The following LPAR5 variants were observed in gnomAD, a reference collection of about 807,000 sequenced individuals.
LPAR5 encodes G protein-coupled receptor 92.
For missense variants in LPAR5, 544 were observed against 521.8 expected (o/e 1.04, Z -0.41); for synonymous variants, 271 against 261.6 (o/e 1.04, Z -0.35).
In LPAR5 at chr12:6,619,224, G is replaced by A. The variant is rs917655867; in HGVS notation, c.*906C>T. The A allele has an allele frequency of 2.6e-5, 4 of 152,094 alleles. No homozygotes were observed. The allele number at this position is 152,094 out of a possible 1,614,324, so 9.4% of individuals were successfully genotyped here. A position where few individuals can be genotyped will look rare whatever the true frequency, so the allele number is the denominator to read the frequency against. Reference sequence around the variant, plus strand: ...ATCAAAAGAACAAAATATAAGCAAAGCTCTTTGAGATCCTCAATTTCTAAG... The same window carrying A: ...ATCAAAAGAACAAAATATAAGCAAAACTCTTTGAGATCCTCAATTTCTAAG... On this transcript the variant is annotated 3_prime_UTR_variant, in exon 2 of 2. Transcript: ENST00000329858.
At chr12:6,626,619 C>G (rs561893116) in intron 1 of LPAR5, among the ~76,000 whole-genome samples, 3 of 152,198 alleles carry the variant, frequency 2.0e-5, no homozygotes, top group African/African-American at 7.2e-5. Context: ...GATACACTCC[C>G]CTGCTCCATG....
In LPAR5 at chr12:6,620,787, C is replaced by A; in HGVS notation, c.462G>T (p.Val154=). 6.3e-7 allele frequency: 1 copy of A among 1,580,554 alleles called. No individual in the cohort carries two copies. The highest frequency in any genetic ancestry group is 2.3e-5 in the East Asian group (1 of 43,782). ...GVWALILVFA[V]PAARVHRPSR... ...AGGGCCTGTGCACGCGGGCGGCGGG[C>A]ACGGCAAACACCAGGATGAGCGCCC... Residue 154 remains valine, a synonymous_variant, in exon 2 of 2, where the codon GTG becomes GTT. Transcript: ENST00000329858. The surrounding 1 kb of genome is among the most constrained non-coding windows in gnomAD (Gnocchi z 6.8).
chr12:6,621,055 GC>G lies in LPAR5; in HGVS notation c.193del (p.Ala65ArgfsTer39). The G allele has an allele frequency of 6.2e-7, 1 of 1,605,416 alleles. No homozygotes were observed. Among genetic ancestry groups the G allele is most frequent in the Non-Finnish European group, 8.5e-7 (1 of 1,174,834 alleles). On this transcript the variant is annotated frameshift_variant, in exon 2 of 2. Coordinates refer to ENST00000329858, the MANE Select transcript of LPAR5 (RefSeq NM_020400.6). LOFTEE classifies it low-confidence loss of function (END_TRUNC). ...GAGGGTGAAGAGCAGGTCGCTGGCCGCCAGGTTACACATGTACACGCTCACC... is the reference window on the plus strand; with the variant it reads ...GAGGGTGAAGAGCAGGTCGCTGGCCGCAGGTTACACATGTACACGCTCACC... Reference protein sequence around the residue: ...SVVSVYMCNLAASDLLFTLSL... With the variant: ...SVVSVYMCNLXASDLLFTLSL...
At chr12:6,624,240 T>A (rs1283315378) in intron 1 of LPAR5, among the ~76,000 whole-genome samples, 1 of 152,174 alleles carries the variant, frequency 6.6e-6, no homozygotes, top group Non-Finnish European at 1.5e-5. Flanking sequence ...GGTTGAGTTT[T>A]GCCAAGTGCT....
intron 1 of LPAR5, among the ~76,000 whole-genome samples, chr12:6,625,083 C>T (rs564807074): frequency 6.6e-6 from 1 of 152,216 alleles, no homozygotes; most frequent in African/African-American, 2.4e-5. Context: ...GAGAAGTTGT[C>T]TGAGACCCTG....
In LPAR5 at chr12:6,620,765, GC is replaced by G. The variant is rs1192366290; in HGVS notation, c.483del (p.Arg161SerfsTer119). On this transcript the variant is annotated frameshift_variant, in exon 2 of 2. Transcript: ENST00000329858. LOFTEE classifies it low-confidence loss of function (END_TRUNC). This position sits in a 1 kb window ranked among gnomAD's most constrained non-coding sequence, Gnocchi z 6.8. ...AGGTCCCGGTAGCGGCAACGCGAGGGCCTGTGCACGCGGGCGGCGGGCACGG... is the reference window on the plus strand; with the variant it reads ...AGGTCCCGGTAGCGGCAACGCGAGGGCTGTGCACGCGGGCGGCGGGCACGG... ...VFAVPAARVHRPSRCRYRDLE... is the reference protein window; with the variant it reads ...VFAVPAARVHXPSRCRYRDLE... 6.3e-7 allele frequency: 1 copy of G among 1,590,148 alleles called. No homozygotes were observed. Among genetic ancestry groups the G allele is most frequent in the African/African-American group, 1.3e-5 (1 of 74,538 alleles).
At chr12:6,633,768 A>G (rs921427711) in intron 1 of LPAR5, among the ~76,000 whole-genome samples, 1 of 152,114 alleles carries the variant, frequency 6.6e-6, no homozygotes, top group Non-Finnish European at 1.5e-5. Context: ...GTCAGTAGGT[A>G]TGTCCTGGGG....
chr12:6,632,669 G>T (rs1184166988), intron 1 of LPAR5, among the ~76,000 whole-genome samples: 1 of 152,156 alleles, frequency 6.6e-6, no homozygotes, highest in Non-Finnish European at 1.5e-5. Context: ...TTTGTGAAAA[G>T]CTCTGTCCCA....
chr12:6,632,429 A>G (rs1948985606), intron 1 of LPAR5, among the ~76,000 whole-genome samples: 1 of 152,162 alleles, frequency 6.6e-6, no homozygotes, highest in Non-Finnish European at 1.5e-5. Context: ...GTGGCCCATC[A>G]GTGTCTCAGC....
At chr12:6,628,122 C>T (rs982855972) in intron 1 of LPAR5, among the ~76,000 whole-genome samples, 8 of 146,418 alleles carry the variant, frequency 5.5e-5, no homozygotes, top group Non-Finnish European at 1.2e-4. Flanking sequence ...CCCGGGTTCA[C>T]GCCATTCTCC....
chr12:6,620,287 G>C lies in LPAR5; in HGVS notation c.962C>G (p.Ala321Gly). 1.2e-6 allele frequency: 2 copies of C among 1,606,074 alleles called. No individual in the cohort carries two copies. Among genetic ancestry groups the C allele is most frequent in the Non-Finnish European group, 1.7e-6 (2 of 1,176,326 alleles). Residue 321 changes from alanine to glycine, a missense_variant, in exon 2 of 2, where the codon GCC (alanine) becomes GGC (glycine). Transcript: ENST00000329858. This position sits in a 1 kb window ranked among gnomAD's most constrained non-coding sequence, Gnocchi z 6.8. ...LGTPHRARTS[A>G]TNGTRAALAQ... ...GAGCGCCGCCCGCGTCCCGTTGGTG[G>C]CCGAGGTCCTGGCCCGGTGCGGAGT...
intron 1 of LPAR5, among the ~76,000 whole-genome samples, chr12:6,632,161 C>CG (rs902804770): frequency 2.6e-5 from 4 of 152,004 alleles, no homozygotes; most frequent in African/African-American, 7.2e-5. Context: ...TTCGTAGAGA[C>CG]GGGGTTTCAC....
chr12:6,620,998 A>AG lies in LPAR5; in HGVS notation c.250dup (p.Leu84ProfsTer156). 2 of 1,613,516 alleles carry AG rather than the reference A, an allele frequency of 1.2e-6. No individual in the cohort carries two copies. Among genetic ancestry groups the AG allele is most frequent in the Non-Finnish European group, 1.7e-6 (2 of 1,179,778 alleles). ...GAGGTCGGGGAAGGGCCAGTGGTGC[A>AG]GTGCGTAGTAGGAGAGACGAACGGG... On this transcript the variant is annotated frameshift_variant, in exon 2 of 2. Transcript: ENST00000329858. LOFTEE classifies it low-confidence loss of function (END_TRUNC). This position sits in a 1 kb window ranked among gnomAD's most constrained non-coding sequence, Gnocchi z 6.8.
chr12:6,635,884 T>G (rs1029546480), intron 1 of LPAR5, 23 bp downstream of exon 1: 7 of 152,188 alleles, frequency 4.6e-5, no homozygotes, highest in Admixed American at 1.3e-4. Context: ...CCCTGTGCAG[T>G]TCAATTCGTG....
chr12:6,627,170 T>C (rs11064293), intron 1 of LPAR5, among the ~76,000 whole-genome samples: 7,946 of 152,308 alleles, frequency 0.052, 686 homozygotes, highest in African/African-American at 0.18. Flanking sequence ...CATAAACTCA[T>C]CTTTCACACA....
chr12:6,621,893 C>T (rs768948583), intron 1 of LPAR5, among the ~76,000 whole-genome samples: 2 of 151,986 alleles, frequency 1.3e-5, no homozygotes, highest in Non-Finnish European at 2.9e-5. Context: ...TTTGGGAGGC[C>T]GAGGCGGGTG....
intron 1 of LPAR5, among the ~76,000 whole-genome samples, chr12:6,631,059 G>A (rs1475694205): frequency 6.6e-6 from 1 of 152,232 alleles, no homozygotes; most frequent in Non-Finnish European, 1.5e-5. Context: ...AGGTCAGGCT[G>A]TAGGAGAGAT....
At chr12:6,624,890 G>A (rs1948923083) in intron 1 of LPAR5, among the ~76,000 whole-genome samples, 1 of 151,464 alleles carries the variant, frequency 6.6e-6, no homozygotes, top group Admixed American at 6.6e-5. Context: ...AAAGTGCTGG[G>A]ATTACAGATG....
At position 6,620,547 on chromosome 12, in the gene LPAR5, G is replaced by A. The variant is rs898796824; in HGVS notation, c.702C>T (p.Arg234=). 31 of 1,563,654 alleles carry A rather than the reference G, an allele frequency of 2.0e-5. 1 individual carries two copies. In the Admixed American group the frequency reaches 2.1e-4, roughly 11 times the overall value. The change falls in exon 2 of 2, where the codon CGC becomes CGT. Residue 234 remains arginine, a synonymous_variant. Coordinates refer to ENST00000329858, the MANE Select transcript of LPAR5 (RefSeq NM_020400.6). The surrounding 1 kb of genome is among the most constrained non-coding windows in gnomAD (Gnocchi z 6.8). ...AGATGACGAGGTTAGCCAGCAGGAG[G>A]CGCACGGTCTTCCGCCGCCGCTGGC... ...TQSQRRRKTV[R]LLLANLVIFL...
Sources: gnomAD v4.1 joint callset for allele counts (sites outside exome capture counted in the v4.1 genomes callset) on GRCh38, gnomAD v4.1.1 for gene constraint, Gnocchi (gnomAD v3.1) non-coding constraint, MANE v1.5 for transcripts, NCBI Gene and HGNC (gene_info 2026-07-23, HGNC 2026-07-21) for gene names.